Variants in VPS13D observed in about 807,000 individuals in gnomAD.
VPS13D encodes the protein intermembrane lipid transfer protein VPS13D.
Under a neutral mutation model 461.9 loss-of-function variants are expected in VPS13D, and 187 were observed. The observed-to-expected ratio is 0.40, with a 90% CI of 0.36 to 0.46. The LOEUF (loss-of-function observed/expected upper bound fraction) is 0.46. Ranked by LOEUF, VPS13D falls within the 20% of genes least tolerant of loss-of-function variation. The probability of loss-of-function intolerance (pLI) is 0.60; values close to 1 mark genes in which losing one functional copy is unlikely to be tolerated. For synonymous variants in VPS13D, 1,951 were observed against 1,986.3 expected (o/e 0.98, Z 0.47); for missense variants, 4,711 against 5,364.9 (o/e 0.88, Z 3.81).
chr1:12,256,354 G>A lies in VPS13D; in HGVS notation c.691G>A (p.Glu231Lys). ...ELQEAMARSMESRSHHYVLEP... is the reference protein window; with the variant it reads ...ELQEAMARSMKSRSHHYVLEP... ...ACAGGAGGCCATGGCCAGGAGCATG[G>A]AGAGTCGCAGCCATCACTACGTCCT... The change falls in exon 8 of 70, where the codon GAG (glutamate) becomes AAG (lysine). Residue 231 changes from glutamate (E) to lysine (K), a missense_variant. Transcript: ENST00000620676. The A allele has an allele frequency of 6.2e-7, 1 of 1,613,926 alleles. No homozygotes were observed. The highest frequency in any genetic ancestry group is 8.5e-7 in the Non-Finnish European group (1 of 1,180,016).
At chr1:12,440,908 A>C (rs1340494094) in intron 65 of VPS13D, among the ~76,000 whole-genome samples, 1 of 152,152 alleles carries the variant, frequency 6.6e-6, no homozygotes, top group Admixed American at 6.5e-5. Flanking sequence ...TTAAAAAATA[A>C]AATGAAGGGA....
At chr1:12,256,942 A>G (rs767216308) in intron 8 of VPS13D, 45 bp from the exon 9 acceptor site, 1 of 1,598,190 alleles carries the variant, frequency 6.3e-7, no homozygotes, top group Non-Finnish European at 8.6e-7. Context: ...GAGTAAAAGA[A>G]ACAAACCTAT....
chr1:12,274,037 A>G lies in VPS13D; in HGVS notation c.2236+902A>G, dbSNP rs192991623. ...GTTTTAATATTTTGAGGAAGTACCA[A>G]ATTGTTTTTGTTTGTTTTTTTGAGA... On this transcript the variant is annotated intron_variant, in intron 18 of 69. Coordinates refer to ENST00000620676, the MANE Select transcript of VPS13D (RefSeq NM_015378.4). Among the ~76,000 whole-genome samples, 342 of 152,004 alleles carry G rather than the reference A, an allele frequency of 2.2e-3. 1 individual carries two copies. The highest frequency in any genetic ancestry group is 6.7e-3 in the South Asian group (32 of 4,802).
chr1:12,243,221 C>T (rs1397593924), intron 3 of VPS13D, among the ~76,000 whole-genome samples: 1 of 152,008 alleles, frequency 6.6e-6, no homozygotes, highest in Non-Finnish European at 1.5e-5. Flanking sequence ...TCCCAAAGTG[C>T]TGGGATTACG....
chr1:12,428,551 G>A (rs924246234), intron 65 of VPS13D, among the ~76,000 whole-genome samples: 2 of 152,158 alleles, frequency 1.3e-5, no homozygotes, highest in Admixed American at 1.3e-4. Context: ...TGCTTGTGCT[G>A]TCCTCCCCTT....
intron 67 of VPS13D, among the ~76,000 whole-genome samples, chr1:12,463,340 G>A (rs1390441911): frequency 6.6e-6 from 1 of 152,164 alleles, no homozygotes; most frequent in Non-Finnish European, 1.5e-5. Flanking sequence ...GTCCTTTATT[G>A]TGCAGAAAAA....
rs375619898 is a variant in VPS13D, at chr1:12,271,101, C to T, written c.2080C>T (p.Arg694Cys). The change falls in exon 17 of 70, where the codon CGT becomes TGT. Residue 694 changes from arginine (R) to cysteine (C), a missense_variant. Around this residue, in one of 3 missense-constraint regions of VPS13D, gnomAD observed 4,411 missense variants for 4,937.8 expected, o/e 0.89. Transcript: ENST00000620676. ...GGCAGAAATCCGGCAAACTCTTGAT[C>T]GTTTGCTAGTGGGTGATTTCATTGT... ...TKAEIRQTLDRLLVGDFIEES... is the reference protein window; with the variant it reads ...TKAEIRQTLDCLLVGDFIEES... The T allele has an allele frequency of 1.9e-5, 30 of 1,613,782 alleles. No homozygotes were observed. The highest frequency in any genetic ancestry group is 1.3e-4 in the South Asian group (12 of 91,058).
intron 52 of VPS13D, among the ~76,000 whole-genome samples, chr1:12,363,500 T>C (rs949547392): frequency 2.6e-5 from 4 of 152,210 alleles, no homozygotes; most frequent in Non-Finnish European, 4.4e-5. Flanking sequence ...TTTGATTACC[T>C]GCAACTTTGA....
Position 12,369,697 on chromosome 1 carries a change from C to A in VPS13D, c.10803C>A (p.Phe3601Leu). The A allele has an allele frequency of 6.2e-7, 1 of 1,613,200 alleles. No individual in the cohort carries two copies. Among genetic ancestry groups the A allele is most frequent in the South Asian group, 1.1e-5 (1 of 91,012 alleles). Residue 3601 changes from phenylalanine to leucine, a missense_variant, in exon 54 of 70, where the codon TTC (phenylalanine) becomes TTA (leucine). Transcript: ENST00000620676. ...TTTACATTGCTGCTACATATACATT[C>A]TCTGGGTAATTCTTGATTAAATTAC... ...NFIYIAATYT[F>L]SGLQEGTGRP...
In VPS13D at chr1:12,460,483, A is replaced by G; in HGVS notation, c.12662+87A>G. 7.3e-6 allele frequency: 9 copies of G among 1,229,376 alleles called. No individual in the cohort carries two copies. In the South Asian group the frequency reaches 1.9e-4, roughly 27 times the overall value. The allele number at this position is 1,229,376 out of a possible 1,614,324, so 76.2% of individuals were successfully genotyped here. A position where few individuals can be genotyped will look rare whatever the true frequency, so the allele number is the denominator to read the frequency against. On this transcript the variant is annotated intron_variant, in intron 67 of 69. Coordinates refer to ENST00000620676, the MANE Select transcript of VPS13D (RefSeq NM_015378.4). ...TCCATACTGATGTGTTTAATTGTGC[A>G]CTTTCTTAGTTATAGGGTTTTTAAT... is the stretch of plus-strand genomic sequence containing the variant.
At chr1:12,467,421 T>G (rs1403433492) in intron 67 of VPS13D, among the ~76,000 whole-genome samples, 1 of 152,224 alleles carries the variant, frequency 6.6e-6, no homozygotes, top group Non-Finnish European at 1.5e-5. Flanking sequence ...CTGCCGACCT[T>G]GGCCTTTCAA....
rs1292632950 is a variant in VPS13D at position 12,368,470 on chromosome 1, A to T, written c.10451A>T (p.Asp3484Val). Residue 3484 changes from aspartate to valine, a missense_variant and splice_region_variant, in exon 53 of 70, where the codon GAT becomes GTT. Coordinates refer to ENST00000620676, the MANE Select transcript of VPS13D (RefSeq NM_015378.4). Reference protein sequence around the residue: ...KNNSFHINMRDTLGKCFFLRV... With the variant: ...KNNSFHINMRVTLGKCFFLRV... ...TCTTTTGTTTCCTTGTCCTGCAGGG[A>T]TACCTTGGGAAAATGCTTCTTCCTA... is the stretch of plus-strand genomic sequence containing the variant. 6.2e-7 allele frequency: 1 copy of T among 1,611,140 alleles called. No individual in the cohort carries two copies. Among genetic ancestry groups the T allele is most frequent in the South Asian group, 1.1e-5 (1 of 90,628 alleles).
At position 12,276,381 on chromosome 1, in the gene VPS13D, A is replaced by T; in HGVS notation, c.2793A>T (p.Val931=). Residue 931 remains valine, a synonymous_variant, in exon 19 of 70, where the codon GTA becomes GTT. Transcript: ENST00000620676. This position sits in a 1 kb window ranked among gnomAD's most constrained non-coding sequence, Gnocchi z 4.5. ...EEQRGSLQDS[V]MNLTQSIVLL... is the part of the protein sequence containing the mutation. ...AGCGGGGAAGTTTGCAAGACTCCGTAATGAATTTAACCCAGAGCATTGTGT... is the reference window on the plus strand; with the variant it reads ...AGCGGGGAAGTTTGCAAGACTCCGTTATGAATTTAACCCAGAGCATTGTGT... 1 of 1,614,208 alleles carries T rather than the reference A, an allele frequency of 6.2e-7. No homozygotes were observed. Among genetic ancestry groups the T allele is most frequent in the Non-Finnish European group, 8.5e-7 (1 of 1,180,026 alleles).
chr1:12,503,445 A>C (rs879551039), intron 68 of VPS13D, among the ~76,000 whole-genome samples: 1 of 151,964 alleles, frequency 6.6e-6, no homozygotes, highest in Non-Finnish European at 1.5e-5. Context: ...CAGCTTCCCA[A>C]AGTGCTGGGA....
chr1:12,475,544 C>T (rs183769085), intron 67 of VPS13D, among the ~76,000 whole-genome samples: 37 of 152,282 alleles, frequency 2.4e-4, no homozygotes, highest in Admixed American at 7.2e-4. Context: ...CTGTAGTGTA[C>T]CTAAAGTATT....
intron 68 of VPS13D, among the ~76,000 whole-genome samples, chr1:12,498,967 G>A (rs1014621105): frequency 2.0e-5 from 3 of 152,166 alleles, no homozygotes; most frequent in Non-Finnish European, 4.4e-5. Context: ...GGGTAACTCT[G>A]TCCACAGCAG....
chr1:12,376,623 G>A (rs1019488049), intron 55 of VPS13D, among the ~76,000 whole-genome samples: 1 of 152,184 alleles, frequency 6.6e-6, no homozygotes. Context: ...TTGTGTAGCT[G>A]GATCTCAGAT....
chr1:12,345,397 A>G lies in VPS13D; in HGVS notation c.8909A>G (p.His2970Arg). Residue 2970 changes from histidine (H) to arginine (R), a missense_variant, in exon 43 of 70, where the codon CAT becomes CGT. Around this residue, in one of 3 missense-constraint regions of VPS13D, gnomAD observed 4,411 missense variants for 4,937.8 expected, o/e 0.89. Coordinates refer to ENST00000620676, the MANE Select transcript of VPS13D (RefSeq NM_015378.4). Reference sequence around the variant, plus strand: ...AGACACACCCATGACCTCCGGATTCATCAACTGCAAGTGAGAGTAAATGGC... The same window carrying G: ...AGACACACCCATGACCTCCGGATTCGTCAACTGCAAGTGAGAGTAAATGGC... ...RHRHTHDLRI[H>R]QLQVRVNGWE... 3 of 1,613,226 alleles carry G rather than the reference A, an allele frequency of 1.9e-6. No individual in the cohort carries two copies. The highest frequency in any genetic ancestry group is 2.2e-5 in the East Asian group (1 of 44,876).
chr1:12,511,118 G>A lies in VPS13D; in HGVS notation c.*2094G>A, dbSNP rs1199801972. The A allele has an allele frequency of 2.0e-5, 3 of 152,238 alleles. No homozygotes were observed. The East Asian group carries it at 5.8e-4, about 29-fold the overall frequency. The allele number at this position is 152,238 out of a possible 1,614,324, so 9.4% of individuals were successfully genotyped here. On this transcript the variant is annotated 3_prime_UTR_variant, in exon 70 of 70. Coordinates refer to ENST00000620676, the MANE Select transcript of VPS13D (RefSeq NM_015378.4). This position sits in a 1 kb window ranked among gnomAD's most constrained non-coding sequence, Gnocchi z 4.5. ...TTAGCTGCGGGCTGCCCTGTGGGCT[G>A]GTGCTTCAGGAGGAATCCAGAGAAG...
Sources: gnomAD v4.1 joint callset for allele counts (sites outside exome capture counted in the v4.1 genomes callset) on GRCh38, gnomAD v4.1.1 for gene constraint, gnomAD v4.1.1 regional missense constraint, Gnocchi (gnomAD v3.1) non-coding constraint, MANE v1.5 for transcripts, NCBI Gene and HGNC (gene_info 2026-07-23, HGNC 2026-07-21) for gene names.